Variants in KCNH1 observed in about 807,000 individuals in gnomAD.
The protein encoded by KCNH1 is voltage-gated delayed rectifier potassium channel KCNH1.
Under a neutral mutation model 69.2 loss-of-function variants are expected in KCNH1, and 27 were observed. The observed-to-expected ratio is 0.39, with a 90% CI of 0.29 to 0.54. The LOEUF (loss-of-function observed/expected upper bound fraction) is 0.54, where lower values mean the gene tolerates loss of function less well. Ranked by LOEUF, KCNH1 falls within the 20% of genes least tolerant of loss-of-function variation. The pLI, the probability that KCNH1 is intolerant of heterozygous loss-of-function variation, is 0.68. For missense variants in KCNH1, 798 were observed against 1,261.6 expected, an observed-to-expected ratio of 0.63 and a Z score of 5.57; for synonymous variants, 456 against 487.7, an observed-to-expected ratio of 0.93 and a Z score of 0.86.
chr1:210,998,982 C>A (rs1484697927), intron 6 of KCNH1, among the ~76,000 whole-genome samples: 1 of 152,160 alleles, frequency 6.6e-6, no homozygotes, highest in African/African-American at 2.4e-5. Flanking sequence ...AAAGACACAA[C>A]ATACCAGAAT....
At position 210,860,596 on chromosome 1, in the gene KCNH1, AT is replaced by A. The variant is rs1685956320; in HGVS notation, c.1463-56431del. 4.7e-6 allele frequency: 4 copies of A among 844,430 alleles called. No individual in the cohort carries two copies. In the East Asian group the frequency reaches 7.2e-5, roughly 15 times the overall value. 52.3% of individuals were successfully genotyped at this position (844,430 alleles called of 1,614,324 possible). A position where few individuals can be genotyped will look rare whatever the true frequency, so the allele number is the denominator to read the frequency against. ...ACTATTTTCACAGATCATTTTCTGA[AT>A]TACATTGGTAAGGTCATCATTTTCT... On this transcript the variant is annotated intron_variant, in intron 7 of 10. Transcript: ENST00000271751.
At chr1:210,967,460 C>G (rs1389474034) in intron 6 of KCNH1, among the ~76,000 whole-genome samples, 1 of 152,010 alleles carries the variant, frequency 6.6e-6, no homozygotes, top group African/African-American at 2.4e-5. Flanking sequence ...TTTATTTTAT[C>G]TGAAGCTTCT....
chr1:211,054,127 A>G (rs1422309852), intron 5 of KCNH1, among the ~76,000 whole-genome samples: 1 of 151,742 alleles, frequency 6.6e-6, no homozygotes, highest in Non-Finnish European at 1.5e-5. Flanking sequence ...ACAAAAAAAA[A>G]AAAAATTAGC....
chr1:210,964,455 C>A (rs1341353504), intron 6 of KCNH1, among the ~76,000 whole-genome samples: 1 of 151,940 alleles, frequency 6.6e-6, no homozygotes, highest in African/African-American at 2.4e-5. Flanking sequence ...AAACTACCAT[C>A]AGAGAATACT....
intron 7 of KCNH1, among the ~76,000 whole-genome samples, chr1:210,813,497 C>A (rs1684751340): frequency 6.6e-6 from 1 of 152,164 alleles, no homozygotes; most frequent in African/African-American, 2.4e-5. Flanking sequence ...ACCTGAGAAC[C>A]AGACTTAGTC....
At chr1:210,904,442 G>T (rs917917343) in intron 7 of KCNH1, among the ~76,000 whole-genome samples, 2 of 152,102 alleles carry the variant, frequency 1.3e-5, no homozygotes, top group Admixed American at 1.3e-4. Context: ...TCAGTGGAAG[G>T]TGCGAAGAAA....
At chr1:210,958,616 T>C (rs1450950342) in intron 6 of KCNH1, among the ~76,000 whole-genome samples, 13 of 152,232 alleles carry the variant, frequency 8.5e-5, no homozygotes, top group Non-Finnish European at 1.0e-4. Flanking sequence ...TTCTTTTTAC[T>C]CTTTTTTCTC....
At chr1:211,043,735 A>G (rs1690044543) in intron 5 of KCNH1, among the ~76,000 whole-genome samples, 1 of 152,218 alleles carries the variant, frequency 6.6e-6, no homozygotes, top group East Asian at 1.9e-4. Context: ...CAAGAAGATA[A>G]TCCACCATTA....
intron 8 of KCNH1, among the ~76,000 whole-genome samples, chr1:210,800,061 G>A (rs1684399923): frequency 6.6e-6 from 1 of 152,232 alleles, no homozygotes; most frequent in Admixed American, 6.5e-5. Context: ...ACAAAGCCTG[G>A]CCCCAGTAGG....
At chr1:210,690,224 G>C in intron 10 of KCNH1, among the ~76,000 whole-genome samples, 1 of 150,658 alleles carries the variant, frequency 6.6e-6, no homozygotes, top group East Asian at 1.9e-4. Context: ...CTAGAGTTGG[G>C]GTACACAAAG....
At chr1:210,764,225 G>T (rs1683576602) in intron 10 of KCNH1, among the ~76,000 whole-genome samples, 1 of 152,058 alleles carries the variant, frequency 6.6e-6, no homozygotes, top group South Asian at 2.1e-4. Context: ...AACACAAGAT[G>T]AATTAAAGAC....
chr1:210,695,082 C>G (rs980069161), intron 10 of KCNH1, among the ~76,000 whole-genome samples: 1 of 152,230 alleles, frequency 6.6e-6, no homozygotes, highest in African/African-American at 2.4e-5. Context: ...GCAATCCAAC[C>G]TCTCTTTAGA....
intron 6 of KCNH1, among the ~76,000 whole-genome samples, chr1:210,959,370 G>C (rs1178333715): frequency 6.6e-6 from 1 of 152,188 alleles, no homozygotes; most frequent in African/African-American, 2.4e-5. Flanking sequence ...GCCACATGGG[G>C]GCCAGGGACC....
chr1:211,071,332 TA>T lies in KCNH1; in HGVS notation c.558+11447del, dbSNP rs879835164. Among the ~76,000 whole-genome samples, 280 of 151,348 alleles carry T rather than the reference TA, an allele frequency of 1.9e-3. 1 individual carries two copies. The highest frequency in any genetic ancestry group is 3.4e-3 in the African/African-American group (140 of 41,300). On this transcript the variant is annotated intron_variant, in intron 5 of 10. Transcript: ENST00000271751. ...GTTTATGATATTCTACTAAACACGA[TA>T]AAAAAAAACATGCTAGAGATTCTTG... is the stretch of plus-strand genomic sequence containing the variant.
intron 7 of KCNH1, among the ~76,000 whole-genome samples, chr1:210,830,756 T>C (rs1426198875): frequency 6.6e-6 from 1 of 152,180 alleles, no homozygotes. Flanking sequence ...CTACAAATTT[T>C]TCTCTGTCTT....
In KCNH1 at chr1:210,919,589, T is replaced by G; in HGVS notation, c.1462+51A>C. The stretch of plus-strand genomic sequence containing the variant: ...CTGGCACTGTAGCCATTTCCCTGTT[T>G]CCAGCTAACAGAAGAGATGGCCAAC... On this transcript the variant is annotated intron_variant, in intron 7 of 10. Transcript: ENST00000271751. This position sits in a 1 kb window ranked among gnomAD's most constrained non-coding sequence, Gnocchi z 4.2. 1 of 1,512,270 alleles carries G rather than the reference T, an allele frequency of 6.6e-7. No homozygotes were observed. Among genetic ancestry groups the G allele is most frequent in the Non-Finnish European group, 9.1e-7 (1 of 1,101,688 alleles). The allele number at this position is 1,512,270 out of a possible 1,614,324, so 93.7% of individuals were successfully genotyped here.
rs376128546 is a variant in KCNH1 at position 210,997,230 on chromosome 1, T to C, written c.1032+21553A>G. Among the ~76,000 whole-genome samples, 42 of 152,138 alleles carry C rather than the reference T, an allele frequency of 2.8e-4. No individual in the cohort carries two copies. The South Asian group carries it at 8.5e-3, about 31-fold the overall frequency. On this transcript the variant is annotated intron_variant, in intron 6 of 10. Coordinates refer to ENST00000271751, the MANE Select transcript of KCNH1 (RefSeq NM_172362.3). ...AACTACTCCGAGCTACAGGAGGAAA[T>C]TCAAACCAATGGCAAACAAGTTAAA...
intron 7 of KCNH1, among the ~76,000 whole-genome samples, chr1:210,878,259 G>T (rs531661558): frequency 6.6e-6 from 1 of 151,838 alleles, no homozygotes; most frequent in Admixed American, 6.6e-5. Flanking sequence ...AATCAGTAAC[G>T]ATACCATTGA....
In KCNH1 at chr1:210,718,647, T is replaced by TACAC. The variant is rs1415284142; in HGVS notation, c.2113-34510_2113-34509insGTGT. Among the ~76,000 whole-genome samples, 9 of 70,452 alleles carry TACAC rather than the reference T, an allele frequency of 1.3e-4. No homozygotes were observed. The South Asian group carries it at 3.7e-3, about 29-fold the overall frequency. 46.2% of individuals were successfully genotyped at this position (70,452 alleles called of 152,430 possible). ...GTGTATAAATATATATATACATATATATATACACACACACACACACACACA... is the reference window on the plus strand; with the variant it reads ...GTGTATAAATATATATATACATATATACACATATACACACACACACACACACACA... On this transcript the variant is annotated intron_variant, in intron 10 of 10. Coordinates refer to ENST00000271751, the MANE Select transcript of KCNH1 (RefSeq NM_172362.3).
Sources: allele counts gnomAD v4.1 joint callset (sites outside exome capture counted in the v4.1 genomes callset), GRCh38; gene constraint gnomAD v4.1.1; non-coding constraint Gnocchi (gnomAD v3.1); transcripts MANE v1.5; gene names NCBI Gene and HGNC (gene_info 2026-07-23, HGNC 2026-07-21).